Variants in DUS2 observed in about 807,000 individuals in gnomAD.
DUS2 encodes the protein tRNA-dihydrouridine(20) synthase [NAD(P)+]-like.
A neutral mutation model predicts 71.3 loss-of-function variants in DUS2; 52 were observed. The ratio of observed to expected loss-of-function variants is 0.73; its 90% CI spans 0.58 to 0.92. The LOEUF (loss-of-function observed/expected upper bound fraction) is 0.92, where lower values mean the gene tolerates loss of function less well. Among genes scored for constraint, DUS2 ranks in the 40% least tolerant of loss-of-function variants. The probability of loss-of-function intolerance (pLI) is 0.00; values close to 1 mark genes in which losing one functional copy is unlikely to be tolerated. For synonymous variants in DUS2, 204 were observed against 227.8 expected (o/e 0.90, Z 0.94); for missense variants, 558 against 622.6 (o/e 0.90, Z 1.10).
Position 68,066,182 on chromosome 16 carries a change from C to CA in DUS2, c.418-134dup. ...CTTATGTGTGTATGTGTGTAACAGA[C>CA]ACACACATGCATTCACACATATGCA... On this transcript the variant is annotated intron_variant, in intron 8 of 16. Transcript: ENST00000565263. 5.0e-6 allele frequency: 4 copies of CA among 804,434 alleles called. No individual in the cohort carries two copies. The South Asian group carries it at 5.8e-5, about 12-fold the overall frequency. 49.8% of individuals were successfully genotyped at this position (804,434 alleles called of 1,614,324 possible).
At chr16:68,075,747 A>T (rs1232766200) in intron 14 of DUS2, among the ~76,000 whole-genome samples, 1 of 151,518 alleles carries the variant, frequency 6.6e-6, no homozygotes, top group African/African-American at 2.4e-5. Context: ...GCCTCCCACA[A>T]CTCAGGGCAG....
intron 4 of DUS2, among the ~76,000 whole-genome samples, chr16:68,052,091 A>C (rs2033786731): frequency 6.6e-6 from 1 of 150,792 alleles, no homozygotes. Context: ...TTTAGTAGAG[A>C]CTTGAGTTTC....
At chr16:68,038,454 G>T (rs911046526) in intron 3 of DUS2, among the ~76,000 whole-genome samples, 1 of 152,128 alleles carries the variant, frequency 6.6e-6, no homozygotes, top group African/African-American at 2.4e-5. Context: ...AAGAGGCCTG[G>T]CACAGTGGCT....
At position 68,066,365 on chromosome 16, in the gene DUS2, A is replaced by G. The variant is rs1436117969; in HGVS notation, c.466A>G (p.Ile156Val). ...GACACGCAGACCTGTGACCTGCAAGATTCGCATCCTGCCATCGGTAAGGAT... is the reference window on the plus strand; with the variant it reads ...GACACGCAGACCTGTGACCTGCAAGGTTCGCATCCTGCCATCGGTAAGGAT... ...KGTRRPVTCK[I>V]RILPSLEDTL... Residue 156 changes from isoleucine (I) to valine (V), a missense_variant, in exon 9 of 17, where the codon ATT becomes GTT. Transcript: ENST00000565263. 1.9e-6 allele frequency: 3 copies of G among 1,614,206 alleles called. No individual in the cohort carries two copies. The highest frequency in any genetic ancestry group is 1.7e-6 in the Non-Finnish European group (2 of 1,180,026).
At chr16:68,038,264 G>A in intron 3 of DUS2, 115 bp downstream of exon 3, 1 of 1,412,776 alleles carries the variant, frequency 7.1e-7, no homozygotes, top group African/African-American at 1.4e-5. Context: ...CTTTATAGGT[G>A]TTCACCAAAG....
intron 4 of DUS2, among the ~76,000 whole-genome samples, chr16:68,050,736 C>T (rs925462366): frequency 2.6e-5 from 4 of 152,130 alleles, no homozygotes; most frequent in Non-Finnish European, 4.4e-5. Context: ...TCATACAACA[C>T]GTGTTGTTTT....
chr16:68,037,446 T>C (rs2033548147), intron 2 of DUS2, among the ~76,000 whole-genome samples: 1 of 149,532 alleles, frequency 6.7e-6, no homozygotes, highest in Non-Finnish European at 1.5e-5. Flanking sequence ...AGATGGAGTC[T>C]TGCTCTTGTT....
chr16:68,028,253 G>A (rs185239389), intron 2 of DUS2, among the ~76,000 whole-genome samples: 1 of 152,208 alleles, frequency 6.6e-6, no homozygotes, highest in Admixed American at 6.6e-5. Flanking sequence ...TTGAGGTTAA[G>A]AGCTTAGTGC....
At chr16:68,057,175 AATAT>A (rs1233270429) in intron 7 of DUS2, among the ~76,000 whole-genome samples, 1 of 142,714 alleles carries the variant, frequency 7.0e-6, no homozygotes, top group Non-Finnish European at 1.5e-5. Context: ...ATATAAAATA[AATAT>A]ATAATAAATA....
chr16:68,078,630 GTGGCATCCC>G (rs1300153099), intron 16 of DUS2, 110 bp from the exon 17 acceptor site: 1 of 1,489,824 alleles, frequency 6.7e-7, no homozygotes, highest in Non-Finnish European at 9.3e-7. Flanking sequence ...TATGTGGGCA[GTGGCATCCC>G]TGGATGGTGA....
At chr16:68,069,561 G>A (rs2034055512) in intron 10 of DUS2, among the ~76,000 whole-genome samples, 1 of 152,138 alleles carries the variant, frequency 6.6e-6, no homozygotes, top group South Asian at 2.1e-4. Context: ...TTGGAAGGAG[G>A]GGCCCCAGGT....
chr16:68,028,439 G>T (rs1028067454), intron 2 of DUS2, among the ~76,000 whole-genome samples: 5 of 152,052 alleles, frequency 3.3e-5, no homozygotes, highest in African/African-American at 1.2e-4. Flanking sequence ...TTTGAGACCA[G>T]TCTGGCCAAC....
chr16:68,055,410 C>A (rs1033379340), intron 6 of DUS2, among the ~76,000 whole-genome samples: 1 of 152,032 alleles, frequency 6.6e-6, no homozygotes, highest in Admixed American at 6.6e-5. Flanking sequence ...GCCTCCATTG[C>A]GCCACTGGAC....
rs1418619264 is a variant in DUS2 at position 68,079,106 on chromosome 16, T to G, written c.*120T>G. The G allele has an allele frequency of 3.1e-6, 3 of 971,118 alleles. No homozygotes were observed. Among genetic ancestry groups the G allele is most frequent in the Non-Finnish European group, 3.0e-6 (2 of 675,050 alleles). 60.2% of individuals were successfully genotyped at this position (971,118 alleles called of 1,614,324 possible). On this transcript the variant is annotated 3_prime_UTR_variant, in exon 17 of 17. Coordinates refer to ENST00000565263, the MANE Select transcript of DUS2 (RefSeq NM_017803.5). ...GGTCTTGCCTGGCAGAAGTTAGATGTCCTGGCAGGGGCCATCAGCCTAGAG... is the reference window on the plus strand; with the variant it reads ...GGTCTTGCCTGGCAGAAGTTAGATGGCCTGGCAGGGGCCATCAGCCTAGAG...
At chr16:68,037,720 TA>T in intron 2 of DUS2, among the ~76,000 whole-genome samples, 1 of 152,052 alleles carries the variant, frequency 6.6e-6, no homozygotes. Flanking sequence ...TGCCTAGCTG[TA>T]AAACTCCATC....
At chr16:68,053,114 C>A (rs1263427588) in intron 4 of DUS2, among the ~76,000 whole-genome samples, 1 of 152,102 alleles carries the variant, frequency 6.6e-6, no homozygotes, top group Non-Finnish European at 1.5e-5. Flanking sequence ...AGGCATACCC[C>A]ACCACGCCTG....
At position 68,056,369 on chromosome 16, in the gene DUS2, A is replaced by G; in HGVS notation, c.314A>G (p.Asn105Ser). The change falls in exon 7 of 17, where the codon AAT becomes AGT. Residue 105 changes from asparagine to serine, a missense_variant. Physicochemically the swap from Asn to Ser is conservative, Grantham distance 46. Coordinates refer to ENST00000565263, the MANE Select transcript of DUS2 (RefSeq NM_017803.5). ...ACTCCTTCATCCTTTTCCAGAGAAA[A>G]TGATGTGGCTGGTATTGATGTCAAC... ...RALAVARLVE[N>S]DVAGIDVNMG... is the part of the protein sequence containing the mutation. 6.2e-7 allele frequency: 1 copy of G among 1,613,716 alleles called. No individual in the cohort carries two copies. Among genetic ancestry groups the G allele is most frequent in the Non-Finnish European group, 8.5e-7 (1 of 1,179,788 alleles).
At chr16:68,025,209 G>A (rs2033329535) in intron 1 of DUS2, among the ~76,000 whole-genome samples, 1 of 152,032 alleles carries the variant, frequency 6.6e-6, no homozygotes, top group Non-Finnish European at 1.5e-5. Flanking sequence ...CCAGGCTCAT[G>A]CCTGTAATCC....
rs567622218 is a variant in DUS2 at position 68,054,743 on chromosome 16, G to A, written c.308+126G>A. On this transcript the variant is annotated intron_variant, in intron 6 of 16. Coordinates refer to ENST00000565263, the MANE Select transcript of DUS2 (RefSeq NM_017803.5). ...CTAGCCCATTACCTTCTGTTTCCAG[G>A]TTAAGAGTGCCTGGTTTCCAGCCAG... The A allele has an allele frequency of 3.4e-6, 4 of 1,174,134 alleles. No homozygotes were observed. In the South Asian group the frequency reaches 5.1e-5, roughly 15 times the overall value. The allele number at this position is 1,174,134 out of a possible 1,614,324, so 72.7% of individuals were successfully genotyped here.
Sources: gnomAD v4.1 joint callset for allele counts (sites outside exome capture counted in the v4.1 genomes callset) on GRCh38, gnomAD v4.1.1 for gene constraint, MANE v1.5 for transcripts, NCBI Gene and HGNC (gene_info 2026-07-23, HGNC 2026-07-21) for gene names.